The following ADAMTS19 variants were observed in gnomAD, a reference collection of about 807,000 sequenced individuals.
ADAMTS19 encodes the protein A disintegrin and metalloproteinase with thrombospondin motifs 19.
In ADAMTS19, 93 loss-of-function variants were observed where a neutral mutation model predicts 153.3. The ratio of observed to expected loss-of-function variants is 0.61; its 90% CI spans 0.51 to 0.72. The LOEUF (loss-of-function observed/expected upper bound fraction) is 0.72. ADAMTS19 is among the 30% of genes least tolerant of loss of function. The pLI is 0.00. For synonymous variants in ADAMTS19, 600 were observed against 556.6 expected, an observed-to-expected ratio of 1.08 and a Z score of -1.10; for missense variants, 1,482 against 1,552.1, an observed-to-expected ratio of 0.95 and a Z score of 0.76.
Position 129,648,789 on chromosome 5 carries a change from C to G in ADAMTS19, c.2004-9C>G. 2 of 1,608,974 alleles carry G rather than the reference C, an allele frequency of 1.2e-6. No individual in the cohort carries two copies. Among genetic ancestry groups the G allele is most frequent in the Non-Finnish European group, 1.7e-6 (2 of 1,178,310 alleles). ...ACATAAAATTGATTATTTGTACTTTCTTTTCTAGGCTAGATTCTGAAGCAA... is the reference window on the plus strand; with the variant it reads ...ACATAAAATTGATTATTTGTACTTTGTTTTCTAGGCTAGATTCTGAAGCAA... On this transcript the variant is annotated splice_polypyrimidine_tract_variant and intron_variant, in intron 12 of 22. Transcript: ENST00000274487.
intron 7 of ADAMTS19, among the ~76,000 whole-genome samples, chr5:129,552,173 T>C (rs553790268): frequency 1.3e-5 from 2 of 152,026 alleles, no homozygotes; most frequent in Admixed American, 6.6e-5. Flanking sequence ...GATACACACA[T>C]GGGTTCAATA....
At chr5:129,573,117 T>G (rs1015098839) in intron 7 of ADAMTS19, among the ~76,000 whole-genome samples, 1 of 152,056 alleles carries the variant, frequency 6.6e-6, no homozygotes, top group East Asian at 1.9e-4. Context: ...CTTTTTCTAA[T>G]CCTTCCATGA....
intron 6 of ADAMTS19, among the ~76,000 whole-genome samples, chr5:129,548,290 A>T (rs1752935025): frequency 6.7e-6 from 1 of 149,156 alleles, no homozygotes; most frequent in Admixed American, 6.6e-5. Flanking sequence ...ACAAAGGGCT[A>T]ATATCCAGAA....
intron 21 of ADAMTS19, among the ~76,000 whole-genome samples, chr5:129,733,604 GAT>G (rs958202073): frequency 1.3e-5 from 2 of 151,936 alleles, no homozygotes; most frequent in African/African-American, 2.4e-5. Flanking sequence ...ACCAAAATGA[GAT>G]ACCATCTCAT....
At chr5:129,522,344 T>C (rs1412723276) in intron 3 of ADAMTS19, among the ~76,000 whole-genome samples, 3 of 120,716 alleles carry the variant, frequency 2.5e-5, no homozygotes, top group African/African-American at 6.4e-5. Flanking sequence ...TATATATATA[T>C]ATATATATAT....
At chr5:129,666,455 T>C (rs923418015) in intron 16 of ADAMTS19, among the ~76,000 whole-genome samples, 1 of 152,152 alleles carries the variant, frequency 6.6e-6, no homozygotes, top group African/African-American at 2.4e-5. Context: ...TTTTCTTTAA[T>C]GAGCAATAAT....
chr5:129,498,035 A>G (rs1750981938), intron 2 of ADAMTS19, among the ~76,000 whole-genome samples: 1 of 152,038 alleles, frequency 6.6e-6, no homozygotes. Context: ...TACATGAATC[A>G]TGTCCTGCCA....
At chr5:129,486,681 A>G (rs571456382) in intron 2 of ADAMTS19, among the ~76,000 whole-genome samples, 221 of 152,282 alleles carry the variant, frequency 1.5e-3, no homozygotes, top group African/African-American at 5.3e-3. Context: ...AAATAAGACA[A>G]GGATGTCCAT....
At chr5:129,710,098 T>C (rs1756372994) in intron 21 of ADAMTS19, among the ~76,000 whole-genome samples, 1 of 152,090 alleles carries the variant, frequency 6.6e-6, no homozygotes, top group African/African-American at 2.4e-5. Flanking sequence ...CTGCATGTAT[T>C]AGCTATTTAT....
intron 8 of ADAMTS19, among the ~76,000 whole-genome samples, chr5:129,615,854 G>T (rs562328832): frequency 5.3e-5 from 8 of 152,014 alleles, no homozygotes; most frequent in African/African-American, 1.9e-4. Flanking sequence ...CAAGAGCAAG[G>T]GATAGTGTTC....
intron 7 of ADAMTS19, among the ~76,000 whole-genome samples, chr5:129,568,130 T>C (rs1167724935): frequency 2.6e-5 from 4 of 152,028 alleles, no homozygotes; most frequent in Non-Finnish European, 5.9e-5. Context: ...TTTAAGAGAA[T>C]TGCCAAAGGA....
chr5:129,536,028 A>G (rs1035104425), intron 6 of ADAMTS19, among the ~76,000 whole-genome samples: 21 of 152,338 alleles, frequency 1.4e-4, no homozygotes, highest in African/African-American at 4.8e-4. Context: ...TAAAACACCA[A>G]AAGCAATGGC....
intron 8 of ADAMTS19, among the ~76,000 whole-genome samples, chr5:129,617,618 T>C (rs778917954): frequency 6.6e-6 from 1 of 152,008 alleles, no homozygotes; most frequent in Non-Finnish European, 1.5e-5. Flanking sequence ...AATTAACAGG[T>C]CACCCATTGA....
intron 7 of ADAMTS19, among the ~76,000 whole-genome samples, chr5:129,569,006 G>A (rs989152035): frequency 3.3e-5 from 5 of 151,956 alleles, no homozygotes; most frequent in South Asian, 2.1e-4. Context: ...GTTTGAACAC[G>A]CCAAATAAAA....
chr5:129,573,455 C>T (rs1443221234), intron 7 of ADAMTS19, among the ~76,000 whole-genome samples: 1 of 152,056 alleles, frequency 6.6e-6, no homozygotes, highest in African/African-American at 2.4e-5. Context: ...TTCATTCTGT[C>T]TCCCCAGTTA....
rs766368076 is a variant in ADAMTS19 at position 129,658,754 on chromosome 5, T to C, written c.2425+17T>C. The stretch of plus-strand genomic sequence containing the variant: ...GAGGAGCAGGTAATTTTTCTTTATT[T>C]TTTCATAAATATTAATCCCTGCAAT... On this transcript the variant is annotated intron_variant, in intron 15 of 22. Transcript: ENST00000274487. The C allele has an allele frequency of 1.9e-6, 3 of 1,595,726 alleles. No individual in the cohort carries two copies. Among genetic ancestry groups the C allele is most frequent in the Non-Finnish European group, 2.6e-6 (3 of 1,172,862 alleles).
chr5:129,562,782 A>G (rs1389590282), intron 7 of ADAMTS19, among the ~76,000 whole-genome samples: 1 of 152,124 alleles, frequency 6.6e-6, no homozygotes, highest in African/African-American at 2.4e-5. Context: ...CTTGTTGATG[A>G]GAGAGGCTGT....
intron 2 of ADAMTS19, among the ~76,000 whole-genome samples, chr5:129,500,108 A>G (rs1311407495): frequency 1.3e-5 from 2 of 152,152 alleles, no homozygotes; most frequent in Admixed American, 6.6e-5. Context: ...TTATTATATA[A>G]TCATCAAACT....
intron 7 of ADAMTS19, among the ~76,000 whole-genome samples, chr5:129,592,495 G>A (rs1750189452): frequency 1.3e-5 from 2 of 151,548 alleles, no homozygotes; most frequent in East Asian, 1.9e-4. Flanking sequence ...AATAACACAC[G>A]TGGGTTATTG....
Sources: allele counts gnomAD v4.1 joint callset (sites outside exome capture counted in the v4.1 genomes callset), GRCh38; gene constraint gnomAD v4.1.1; transcripts MANE v1.5; gene names NCBI Gene and HGNC (gene_info 2026-07-23, HGNC 2026-07-21).